Variants in TNPO3 observed in about 807,000 individuals in gnomAD.
TNPO3 encodes transportin 3.
A neutral mutation model predicts 122.8 loss-of-function variants in TNPO3; 65 were observed. The ratio of observed to expected loss-of-function variants is 0.53; its 90% CI spans 0.43 to 0.65. TNPO3 has a LOEUF of 0.65. Among genes scored for constraint, TNPO3 ranks in the 30% least tolerant of loss-of-function variants. The probability of loss-of-function intolerance (pLI) is 0.00; values close to 1 mark genes in which losing one functional copy is unlikely to be tolerated. For missense variants in TNPO3, 850 were observed against 1,136.7 expected (o/e 0.75, Z 3.63); for synonymous variants, 372 against 411.2 (o/e 0.90, Z 1.15).
intron 1 of TNPO3, among the ~76,000 whole-genome samples, chr7:129,033,997 C>G (rs184875063): frequency 6.6e-6 from 1 of 151,432 alleles, no homozygotes; most frequent in East Asian, 1.9e-4. Context: ...TCACAATAAC[C>G]AAGAGATAGA....
intron 12 of TNPO3, among the ~76,000 whole-genome samples, chr7:128,984,645 T>C (rs1432404776): frequency 1.3e-5 from 2 of 152,222 alleles, no homozygotes; most frequent in East Asian, 3.8e-4. Context: ...CCAGCAATTC[T>C]TATCACAAGA....
At chr7:128,989,869 C>A in intron 11 of TNPO3, 92 bp downstream of exon 11, 1 of 1,460,518 alleles carries the variant, frequency 6.8e-7, no homozygotes, top group African/African-American at 1.4e-5. Flanking sequence ...GTTAAAAAAA[C>A]AGAAAGGAAA....
Position 128,986,739 on chromosome 7 carries a change from G to C in TNPO3, c.1680C>G (p.Gly560=), listed in dbSNP as rs1302476718. 1 of 1,612,216 alleles carries C rather than the reference G, an allele frequency of 6.2e-7. No homozygotes were observed. Among genetic ancestry groups the C allele is most frequent in the Non-Finnish European group, 8.5e-7 (1 of 1,179,218 alleles). Residue 560 remains glycine, a synonymous_variant, in exon 12 of 23, where the codon GGC becomes GGG. Coordinates refer to ENST00000265388, the MANE Select transcript of TNPO3 (RefSeq NM_012470.4). The part of the protein sequence containing the change: ...SFLLSPEAAV[G]LLKGTALVLA... ...ACATCAAGTGAGTACCTTTTAGCAA[G>C]CCCACAGCAGCTTCTGGAGACAACA...
intron 20 of TNPO3, among the ~76,000 whole-genome samples, 196 bp downstream of exon 20, chr7:128,969,952 A>G (rs994949259): frequency 6.6e-6 from 1 of 152,208 alleles, no homozygotes; most frequent in Non-Finnish European, 1.5e-5. Flanking sequence ...ACATAGAAAC[A>G]TGCTTTAAAG....
At chr7:128,985,943 C>A (rs1043580776) in intron 12 of TNPO3, among the ~76,000 whole-genome samples, 4 of 152,204 alleles carry the variant, frequency 2.6e-5, no homozygotes, top group African/African-American at 9.6e-5. Flanking sequence ...AGATATCACA[C>A]AGGTTATTTT....
At chr7:129,024,908 G>C (rs1485263307) in intron 1 of TNPO3, among the ~76,000 whole-genome samples, 1 of 150,886 alleles carries the variant, frequency 6.6e-6, no homozygotes, top group Non-Finnish European at 1.5e-5. Flanking sequence ...AGGCTGAGGG[G>C]AAGGATCCCT....
At position 128,975,855 on chromosome 7, in the gene TNPO3, T is replaced by A; in HGVS notation, c.2142A>T (p.Glu714Asp). 6.2e-7 allele frequency: 1 copy of A among 1,614,024 alleles called. No homozygotes were observed. Among genetic ancestry groups the A allele is most frequent in the South Asian group, 1.1e-5 (1 of 91,056 alleles). The change falls in exon 17 of 23, where the codon GAA becomes GAT. Residue 714 changes from glutamate (E) to aspartate (D), a missense_variant. Physicochemically the swap from Glu to Asp is conservative, Grantham distance 45. Transcript: ENST00000265388. ...GSILVDEYGMEEGCRQGLLDM... is the reference protein window; with the variant it reads ...GSILVDEYGMDEGCRQGLLDM... The stretch of plus-strand genomic sequence containing the variant: ...CTAGCAGTCCCTGCCGACAGCCTTC[T>A]TCCATGCCATATTCATCCACAAGGA...
chr7:128,955,226 C>T lies in TNPO3; in HGVS notation c.*191G>A. On this transcript the variant is annotated 3_prime_UTR_variant, in exon 23 of 23. Coordinates refer to ENST00000265388, the MANE Select transcript of TNPO3 (RefSeq NM_012470.4). ...GCTGATTTTCCCTCACACCCCCAAACAGGAACTCCTCAGGATGGCCTCAGA... is the reference window on the plus strand; with the variant it reads ...GCTGATTTTCCCTCACACCCCCAAATAGGAACTCCTCAGGATGGCCTCAGA... 1 of 417,078 alleles carries T rather than the reference C, an allele frequency of 2.4e-6. No homozygotes were observed. The highest frequency in any genetic ancestry group is 4.7e-6 in the Non-Finnish European group (1 of 213,686). The allele number at this position is 417,078 out of a possible 1,614,324, so 25.8% of individuals were successfully genotyped here.
At chr7:129,012,903 A>G (rs544261626) in intron 4 of TNPO3, among the ~76,000 whole-genome samples, 1 of 152,304 alleles carries the variant, frequency 6.6e-6, no homozygotes, top group South Asian at 2.1e-4. Context: ...ACAAAGCTTT[A>G]TTTACAAAAA....
At chr7:129,033,283 T>A (rs1225144714) in intron 1 of TNPO3, among the ~76,000 whole-genome samples, 1 of 152,158 alleles carries the variant, frequency 6.6e-6, no homozygotes, top group Non-Finnish European at 1.5e-5. Context: ...ATTTCTGGAA[T>A]AAATATTTAT....
intron 1 of TNPO3, among the ~76,000 whole-genome samples, chr7:129,018,587 G>C (rs1331429755): frequency 6.6e-6 from 1 of 152,168 alleles, no homozygotes; most frequent in Non-Finnish European, 1.5e-5. Flanking sequence ...TCCAGAAGCT[G>C]TTTTAATATA....
intron 1 of TNPO3, among the ~76,000 whole-genome samples, chr7:129,042,671 GGGAAGAAAAAT>G (rs1468003722): frequency 6.6e-6 from 1 of 151,942 alleles, no homozygotes; most frequent in Non-Finnish European, 1.5e-5. Flanking sequence ...CTCGGACAGT[GGGAAGAAAAAT>G]GGTTTGAAAG....
At chr7:129,010,254 A>T (rs1224415286) in intron 4 of TNPO3, among the ~76,000 whole-genome samples, 1 of 151,788 alleles carries the variant, frequency 6.6e-6, no homozygotes, top group Non-Finnish European at 1.5e-5. Context: ...GCCACCTTGA[A>T]CTCCTGGGGT....
chr7:128,991,264 G>A (rs959502426), intron 10 of TNPO3, among the ~76,000 whole-genome samples: 6 of 152,112 alleles, frequency 3.9e-5, no homozygotes, highest in Admixed American at 1.3e-4. Context: ...TGCCACTGAC[G>A]AGGCCCTGAA....
chr7:128,970,088 G>A (rs1798307487), intron 20 of TNPO3, 60 bp downstream of exon 20: 1 of 1,604,984 alleles, frequency 6.2e-7, no homozygotes, highest in Non-Finnish European at 8.5e-7. Flanking sequence ...TGGCCTTAAG[G>A]AACCAAAGCC....
intron 1 of TNPO3, among the ~76,000 whole-genome samples, chr7:129,039,565 A>T (rs935445143): frequency 6.6e-6 from 1 of 152,168 alleles, no homozygotes; most frequent in African/African-American, 2.4e-5. Context: ...GTCTAAAAAA[A>T]AATAAATAAA....
intron 5 of TNPO3, among the ~76,000 whole-genome samples, chr7:129,004,005 G>A (rs1802297919): frequency 6.6e-6 from 1 of 152,136 alleles, no homozygotes; most frequent in African/African-American, 2.4e-5. Flanking sequence ...TTGTTGACGT[G>A]ATAATAAATA....
intron 4 of TNPO3, among the ~76,000 whole-genome samples, chr7:129,005,689 TAGAAGC>T (rs1227831259): frequency 6.6e-6 from 1 of 151,856 alleles, no homozygotes; most frequent in East Asian, 1.9e-4. Flanking sequence ...GAGGCCTCCC[TAGAAGC>T]AGAAGCCTGT....
At chr7:129,003,418 C>G (rs1396221188) in intron 5 of TNPO3, among the ~76,000 whole-genome samples, 1 of 151,144 alleles carries the variant, frequency 6.6e-6, no homozygotes, top group Admixed American at 6.6e-5. Context: ...ATCTGTAATC[C>G]CAGTGCTTTG....
Sources: gnomAD v4.1 joint callset for allele counts (sites outside exome capture counted in the v4.1 genomes callset) on GRCh38, gnomAD v4.1.1 for gene constraint, MANE v1.5 for transcripts, NCBI Gene and HGNC (gene_info 2026-07-23, HGNC 2026-07-21) for gene names.